The following GLI2 variants were observed in gnomAD, a reference collection of about 807,000 sequenced individuals.
GLI2 encodes transcription activator GLI2.
A neutral mutation model predicts 78.9 loss-of-function variants in GLI2; 22 were observed. The ratio of observed to expected loss-of-function variants is 0.28; its 90% CI spans 0.20 to 0.40. The LOEUF is 0.40. GLI2 is among the 10% of genes least tolerant of loss of function. The probability of loss-of-function intolerance (pLI) is 1.00; values close to 1 mark genes in which losing one functional copy is unlikely to be tolerated. For synonymous variants in GLI2, 974 were observed against 963.7 expected, an observed-to-expected ratio of 1.01 and a Z score of -0.20; for missense variants, 2,097 against 2,213.2, an observed-to-expected ratio of 0.95 and a Z score of 1.05.
rs1296359696 is a variant in GLI2 at position 120,800,358 on chromosome 2, C to A, written c.148+2890C>A. 6.6e-6 allele frequency among the ~76,000 whole-genome samples: 1 copy of A among 152,044 alleles called. No homozygotes were observed. The highest frequency in any genetic ancestry group is 1.5e-5 in the Non-Finnish European group (1 of 68,004). Reference sequence around the variant, plus strand: ...GACTGAGTCGACTCCCCTGTTGCTGCGCAGGTGACCACTTAGAAGCCTGGC... The same window carrying A: ...GACTGAGTCGACTCCCCTGTTGCTGAGCAGGTGACCACTTAGAAGCCTGGC... On this transcript the variant is annotated intron_variant, in intron 2 of 13. Coordinates refer to ENST00000361492, the MANE Select transcript of GLI2 (RefSeq NM_001374353.1). The surrounding 1 kb of genome is among the most constrained non-coding windows in gnomAD (Gnocchi z 4.1).
intron 2 of GLI2, among the ~76,000 whole-genome samples, chr2:120,865,310 A>G (rs886623234): frequency 3.9e-5 from 6 of 152,150 alleles, no homozygotes; most frequent in African/African-American, 1.4e-4. Context: ...CCTGCCCCCC[A>G]TGTAACACAG....
At chr2:120,854,306 C>T (rs1687544753) in intron 2 of GLI2, among the ~76,000 whole-genome samples, 1 of 152,182 alleles carries the variant, frequency 6.6e-6, no homozygotes, top group Admixed American at 6.5e-5. Context: ...CTGGCAGGCC[C>T]TGTCAGTTCA....
Position 120,968,696 on chromosome 2 carries a change from G to T in GLI2, c.644-18G>T. Reference sequence around the variant, plus strand: ...ATCCCCAGTGATGCTGACCTGTCTTGTGTTGACTATCCCACAGTGTCCCGT... The same window carrying T: ...ATCCCCAGTGATGCTGACCTGTCTTTTGTTGACTATCCCACAGTGTCCCGT... On this transcript the variant is annotated intron_variant, in intron 5 of 13. Transcript: ENST00000361492. The T allele has an allele frequency of 6.4e-7, 1 of 1,572,934 alleles. No individual in the cohort carries two copies. Among genetic ancestry groups the T allele is most frequent in the Non-Finnish European group, 8.7e-7 (1 of 1,144,056 alleles).
intron 3 of GLI2, among the ~76,000 whole-genome samples, chr2:120,947,361 T>A (rs557969024): frequency 6.6e-6 from 1 of 152,358 alleles, no homozygotes; most frequent in East Asian, 1.9e-4. Context: ...GTGTTGTGAA[T>A]GTTTTATTTG....
At chr2:120,981,240 A>T (rs139441781) in intron 10 of GLI2, among the ~76,000 whole-genome samples, 1 of 152,292 alleles carries the variant, frequency 6.6e-6, no homozygotes, top group African/African-American at 2.4e-5. Context: ...TTTGCATGTG[A>T]TTACGCAGTT....
chr2:120,919,922 C>A (rs1409399338), intron 2 of GLI2, among the ~76,000 whole-genome samples: 1 of 152,264 alleles, frequency 6.6e-6, no homozygotes, highest in Admixed American at 6.5e-5. Flanking sequence ...ACAAGCTGCA[C>A]TGAGATGTGT....
chr2:120,804,517 C>T (rs1684854498), intron 2 of GLI2, among the ~76,000 whole-genome samples: 1 of 152,270 alleles, frequency 6.6e-6, no homozygotes, highest in Non-Finnish European at 1.5e-5. Context: ...CAGCAGGGAG[C>T]TGAGTGGGCC....
chr2:120,753,857 G>A (rs1682956824), intron 1 of GLI2, among the ~76,000 whole-genome samples: 2 of 151,174 alleles, frequency 1.3e-5, no homozygotes, highest in South Asian at 4.2e-4. Context: ...TGGCTCACGC[G>A]GTGAGCCGAG....
intron 2 of GLI2, among the ~76,000 whole-genome samples, chr2:120,880,939 C>CA (rs905097303): frequency 1.3e-5 from 2 of 152,150 alleles, no homozygotes; most frequent in African/African-American, 4.8e-5. Flanking sequence ...CACCAGGGAG[C>CA]AAAATGTGAA....
At chr2:120,971,887 G>T (rs1682193319) in intron 7 of GLI2, 54 bp from the exon 8 acceptor site, 2 of 1,579,744 alleles carry the variant, frequency 1.3e-6, no homozygotes, top group African/African-American at 2.7e-5. Context: ...AAAAAATTTG[G>T]GATATCCCTG....
chr2:120,793,624 G>T (rs894230948), intron 1 of GLI2, among the ~76,000 whole-genome samples: 2 of 152,180 alleles, frequency 1.3e-5, no homozygotes, highest in Non-Finnish European at 1.5e-5. Flanking sequence ...TCCGGGAAGT[G>T]GTGGGAAGGC....
rs746947997 is a variant in GLI2, at chr2:120,970,448, A to T, written c.901A>T (p.Ser301Cys). The T allele has an allele frequency of 2.5e-6, 4 of 1,613,470 alleles. No individual in the cohort carries two copies. Among genetic ancestry groups the T allele is most frequent in the Non-Finnish European group, 3.4e-6 (4 of 1,179,912 alleles). ...CCCCGTGGCCTACCAGCAGATTCTGAGCCAGCAGAGGGGTCTGGGGTCAGC... is the reference window on the plus strand; with the variant it reads ...CCCCGTGGCCTACCAGCAGATTCTGTGCCAGCAGAGGGGTCTGGGGTCAGC... ...INPVAYQQIL[S>C]QQRGLGSAFG... Residue 301 changes from serine to cysteine, a missense_variant, in exon 7 of 14, where the codon AGC becomes TGC. This residue lies in a region of GLI2 where 578 missense variants were observed against 612.0 expected (regional missense o/e 0.94). Transcript: ENST00000361492.
intron 2 of GLI2, among the ~76,000 whole-genome samples, chr2:120,809,881 C>T (rs1263413179): frequency 6.6e-6 from 1 of 152,136 alleles, no homozygotes; most frequent in Non-Finnish European, 1.5e-5. Flanking sequence ...AGCTAACTTC[C>T]ACTCCTTTAT....
chr2:120,937,473 A>G (rs563204931), intron 3 of GLI2, among the ~76,000 whole-genome samples: 1 of 152,146 alleles, frequency 6.6e-6, no homozygotes, highest in Non-Finnish European at 1.5e-5. Flanking sequence ...TTGGCCAATG[A>G]CAGGGTGGTA....
intron 2 of GLI2, among the ~76,000 whole-genome samples, chr2:120,829,207 A>G (rs1435194147): frequency 6.6e-6 from 1 of 152,142 alleles, no homozygotes; most frequent in East Asian, 1.9e-4. Flanking sequence ...TCGCATGCAC[A>G]CGCCTGCACT....
chr2:120,956,637 G>A (rs925709458), intron 5 of GLI2, among the ~76,000 whole-genome samples: 4 of 152,124 alleles, frequency 2.6e-5, no homozygotes, highest in African/African-American at 9.7e-5. Context: ...GAACAGGCAG[G>A]CACCTCCTGC....
intron 2 of GLI2, among the ~76,000 whole-genome samples, chr2:120,829,345 T>C (rs1193192115): frequency 1.3e-5 from 2 of 152,180 alleles, no homozygotes; most frequent in African/African-American, 4.8e-5. Context: ...TGTCTTAAGT[T>C]TCTGACCAGG....
rs576391387 is a variant in GLI2 at position 120,870,858 on chromosome 2, C to G, written c.149-56503C>G. On this transcript the variant is annotated intron_variant, in intron 2 of 13. Coordinates refer to ENST00000361492, the MANE Select transcript of GLI2 (RefSeq NM_001374353.1). ...CGTGTAATACATGCAACCTGCATGC[C>G]CACCTTCAGTCCAGCAAGCAGCCAT... Among the ~76,000 whole-genome samples, 3 of 152,284 alleles carry G rather than the reference C, an allele frequency of 2.0e-5. No individual in the cohort carries two copies. In the South Asian group the frequency reaches 6.2e-4, roughly 32 times the overall value.
At chr2:120,881,392 AG>A (rs2104711197) in intron 2 of GLI2, among the ~76,000 whole-genome samples, 1 of 136,448 alleles carries the variant, frequency 7.3e-6, no homozygotes, top group Admixed American at 7.2e-5. Flanking sequence ...GGGAGAGGGC[AG>A]GTGGGGGGAG....
Sources: allele counts gnomAD v4.1 joint callset (sites outside exome capture counted in the v4.1 genomes callset), GRCh38; gene constraint gnomAD v4.1.1; regional missense constraint gnomAD v4.1.1; non-coding constraint Gnocchi (gnomAD v3.1); transcripts MANE v1.5; gene names NCBI Gene and HGNC (gene_info 2026-07-23, HGNC 2026-07-21).